BLK: variants seen among roughly 807,000 people sequenced by gnomAD.
BLK encodes BLK proto-oncogene, Src family tyrosine kinase.
A neutral mutation model predicts 61.8 loss-of-function variants in BLK; 64 were observed. The ratio of observed to expected loss-of-function variants is 1.03; its 90% CI spans 0.85 to 1.27. The LOEUF is 1.27. BLK is among the 50% of genes most tolerant of loss of function. The probability of loss-of-function intolerance (pLI) is 0.00; values close to 1 mark genes in which losing one functional copy is unlikely to be tolerated. For missense variants in BLK, 853 were observed against 660.5 expected (o/e 1.29, Z -3.19); for synonymous variants, 351 against 272.0 (o/e 1.29, Z -2.86).
chr8:11,555,577 C>A, intron 8 of BLK, 93 bp downstream of exon 8: 1 of 1,571,908 alleles, frequency 6.4e-7, no homozygotes. Context: ...CGTGTCATCC[C>A]TCCCCCAGAA....
At chr8:11,562,728 A>T (rs757230542) in intron 11 of BLK, among the ~76,000 whole-genome samples, 1 of 152,244 alleles carries the variant, frequency 6.6e-6, no homozygotes, top group Non-Finnish European at 1.5e-5. Flanking sequence ...TTTTTAAAGA[A>T]CCAAAGTGGG....
At chr8:11,532,629 A>T (rs545458299) in intron 1 of BLK, among the ~76,000 whole-genome samples, 19 of 152,074 alleles carry the variant, frequency 1.2e-4, no homozygotes, top group Non-Finnish European at 2.5e-4. Context: ...ATATATTTGA[A>T]CCAGTTTATA....
At position 11,523,167 on chromosome 8, in the gene BLK, CAGGAAAGATTAAT is replaced by C. The variant is rs1188525349; in HGVS notation, c.-1-20042_-1-20030del. The stretch of plus-strand genomic sequence containing the variant: ...AAGACATTTGCAAGTGTGAACGACA[CAGGAAAGATTAAT>C]AGGAAAGATTAATAAATTGACTAGG... On this transcript the variant is annotated intron_variant, in intron 1 of 12. Coordinates refer to ENST00000259089, the MANE Select transcript of BLK (RefSeq NM_001715.3). 3.1e-4 allele frequency among the ~76,000 whole-genome samples: 47 copies of C among 152,026 alleles called. 1 individual carries two copies. The highest frequency in any genetic ancestry group is 1.7e-3 in the East Asian group (9 of 5,196).
chr8:11,500,144 T>C (rs1417375464), intron 1 of BLK, among the ~76,000 whole-genome samples: 1 of 152,124 alleles, frequency 6.6e-6, no homozygotes, highest in Non-Finnish European at 1.5e-5. Context: ...GTTATAGAAA[T>C]AGCTTATTTT....
At chr8:11,554,143 C>T (rs1317949848) in intron 6 of BLK, 1 of 156,526 alleles carries the variant, frequency 6.4e-6, no homozygotes, top group Non-Finnish European at 1.4e-5. Flanking sequence ...GAAATTCTTA[C>T]CTCCTAAATT....
intron 10 of BLK, 49 bp downstream of exon 10, chr8:11,558,087 G>C: frequency 6.3e-7 from 1 of 1,580,606 alleles, no homozygotes; most frequent in Non-Finnish European, 8.7e-7. Flanking sequence ...GCCACCTGCT[G>C]CCCACAATGG....
chr8:11,556,030 C>T (rs1354159006), intron 8 of BLK: 3 of 248,722 alleles, frequency 1.2e-5, no homozygotes, highest in African/African-American at 6.7e-5. Context: ...CATGAGTCCT[C>T]CCTTACCTGG....
At chr8:11,509,820 A>G (rs1254606424) in intron 1 of BLK, 1 of 152,154 alleles carries the variant, frequency 6.6e-6, no homozygotes, top group East Asian at 1.9e-4. Flanking sequence ...GCAACCTAAC[A>G]CTTTTACCTA....
At chr8:11,513,494 G>C (rs1799103637) in intron 1 of BLK, among the ~76,000 whole-genome samples, 1 of 152,202 alleles carries the variant, frequency 6.6e-6, no homozygotes, top group Non-Finnish European at 1.5e-5. Flanking sequence ...GCTGTGAGCA[G>C]AGCCCAGGCT....
At chr8:11,519,113 A>G (rs2117322565) in intron 1 of BLK, among the ~76,000 whole-genome samples, 1 of 152,264 alleles carries the variant, frequency 6.6e-6, no homozygotes, top group Non-Finnish European at 1.5e-5. Flanking sequence ...CAACTAGAAT[A>G]TGGGCTCCAC....
chr8:11,500,497 GTTT>G (rs545892764), intron 1 of BLK, among the ~76,000 whole-genome samples: 1 of 149,690 alleles, frequency 6.7e-6, no homozygotes, highest in African/African-American at 2.5e-5. Flanking sequence ...CACCTGGCCT[GTTT>G]TTTTGTTTTG....
chr8:11,522,870 A>G (rs1799510856), intron 1 of BLK, among the ~76,000 whole-genome samples: 2 of 152,248 alleles, frequency 1.3e-5, no homozygotes, highest in Admixed American at 6.5e-5. Flanking sequence ...AAAATCATAC[A>G]TGGTTAACAC....
At position 11,499,362 on chromosome 8, in the gene BLK, G is replaced by A. The variant is rs113429586; in HGVS notation, c.-2+4771G>A. Among the ~76,000 whole-genome samples, 721 of 152,332 alleles carry A rather than the reference G, an allele frequency of 4.7e-3. 4 individuals carry two copies. Among genetic ancestry groups the A allele is most frequent in the African/African-American group, 0.016 (649 of 41,576 alleles). ...AAATCACCTAATGACACATTTTTCAGAACAGATCCCTGTAGTGAAGCAATA... is the reference window on the plus strand; with the variant it reads ...AAATCACCTAATGACACATTTTTCAAAACAGATCCCTGTAGTGAAGCAATA... On this transcript the variant is annotated intron_variant, in intron 1 of 12. Transcript: ENST00000259089.
intron 1 of BLK, among the ~76,000 whole-genome samples, chr8:11,498,692 G>T (rs1458024332): frequency 6.6e-6 from 1 of 152,194 alleles, no homozygotes; most frequent in Admixed American, 6.5e-5. Context: ...GCCTTCCTGA[G>T]ATGATAATAG....
At position 11,546,057 on chromosome 8, in the gene BLK, C is replaced by A. The variant is rs377568491; in HGVS notation, c.129C>A (p.Val43=). The A allele has an allele frequency of 3.1e-4, 504 of 1,614,076 alleles. No individual in the cohort carries two copies. Among genetic ancestry groups the A allele is most frequent in the Non-Finnish European group, 4.2e-4 (493 of 1,180,044 alleles). The change falls in exon 3 of 13, where the codon GTC becomes GTA. Residue 43 remains valine, a synonymous_variant. Coordinates refer to ENST00000259089, the MANE Select transcript of BLK (RefSeq NM_001715.3). ...GTGTGTGTTTTCTACCCAAGGTTGT[C>A]TTCAACCACCTTACTCCTCCACCGC... is the stretch of plus-strand genomic sequence containing the variant. ...KDAPPLPPLV[V]FNHLTPPPPD... is the part of the protein sequence containing the mutation.
At chr8:11,536,564 TG>T (rs1800141728) in intron 1 of BLK, among the ~76,000 whole-genome samples, 1 of 152,074 alleles carries the variant, frequency 6.6e-6, no homozygotes, top group African/African-American at 2.4e-5. Flanking sequence ...TATAGGCACG[TG>T]CCTGGCTAAT....
intron 1 of BLK, among the ~76,000 whole-genome samples, chr8:11,503,010 A>G (rs1447409599): frequency 6.6e-6 from 1 of 152,152 alleles, no homozygotes; most frequent in Non-Finnish European, 1.5e-5. Flanking sequence ...CATGGGATAC[A>G]AGGATGTCCC....
chr8:11,535,942 G>T (rs983705477), intron 1 of BLK, among the ~76,000 whole-genome samples: 7 of 152,176 alleles, frequency 4.6e-5, no homozygotes, highest in African/African-American at 1.4e-4. Flanking sequence ...CAAATCAAAG[G>T]CTTGAAACTA....
chr8:11,556,615 GCT>G, intron 8 of BLK, 41 bp from the exon 9 acceptor site: 1 of 1,613,460 alleles, frequency 6.2e-7, no homozygotes, highest in Non-Finnish European at 8.5e-7. Flanking sequence ...CTCCGAGCAA[GCT>G]CTCTGTCTTC....
Sources: gnomAD v4.1 joint callset for allele counts (sites outside exome capture counted in the v4.1 genomes callset) on GRCh38, gnomAD v4.1.1 for gene constraint, MANE v1.5 for transcripts, NCBI Gene and HGNC (gene_info 2026-07-23, HGNC 2026-07-21) for gene names.